The following ENTREP2 variants were observed in gnomAD, a reference collection of about 807,000 sequenced individuals.
The protein encoded by ENTREP2 is endosomal transmembrane epsin interactor 2, also known as protein ENTREP2.
the ENTREP2 span, among the ~76,000 whole-genome samples, chr15:29,492,454 C>A: frequency 6.6e-6 from 1 of 152,118 alleles, no homozygotes; most frequent in Admixed American, 6.5e-5. Flanking sequence ...ATAATTATCA[C>A]CATTGTAAAA....
chr15:29,268,830 C>T, the ENTREP2 span: 13 of 1,613,972 alleles, frequency 8.1e-6, no homozygotes, highest in Admixed American at 3.3e-5. Context: ...GAGGTCTGGC[C>T]CTGTTCTCCT....
chr15:29,557,015 T>A, the ENTREP2 span, among the ~76,000 whole-genome samples: 1 of 152,206 alleles, frequency 6.6e-6, no homozygotes, highest in Non-Finnish European at 1.5e-5. Flanking sequence ...AGTTTGTCTA[T>A]GAGCAAATAA....
chr15:29,570,676 G>C, the ENTREP2 span: 1 of 1,189,314 alleles, frequency 8.4e-7, no homozygotes, highest in Non-Finnish European at 1.0e-6. Flanking sequence ...ACAGGCTGCG[G>C]GGCAGCGCGG....
the ENTREP2 span, among the ~76,000 whole-genome samples, chr15:29,636,576 A>G: frequency 0.13 from 19,476 of 152,198 alleles, 2,369 homozygotes; most frequent in African/African-American, 0.32. Context: ...CCAGTAGTCC[A>G]TCACCACATC....
At chr15:29,304,306 C>T in the ENTREP2 span, among the ~76,000 whole-genome samples, 71 of 152,256 alleles carry the variant, frequency 4.7e-4, no homozygotes, top group African/African-American at 1.6e-3. Context: ...CAGACATCTA[C>T]AGAACTCTCC....
At chr15:29,397,216 C>T in the ENTREP2 span, among the ~76,000 whole-genome samples, 10 of 152,042 alleles carry the variant, frequency 6.6e-5, no homozygotes, top group South Asian at 1.9e-3. Flanking sequence ...CATGGTGAAA[C>T]CTGTCTCCAC....
At chr15:29,426,407 GA>G in the ENTREP2 span, among the ~76,000 whole-genome samples, 12 of 152,148 alleles carry the variant, frequency 7.9e-5, no homozygotes, top group African/African-American at 2.9e-4. Context: ...GCTTATCTTT[GA>G]TTTTTTTTGA....
At chr15:29,289,206 C>CAA in the ENTREP2 span, among the ~76,000 whole-genome samples, 2 of 78,000 alleles carry the variant, frequency 2.6e-5, no homozygotes, top group East Asian at 3.7e-4. Context: ...GACCCTGTCT[C>CAA]AAAAAAAAAA....
At chr15:29,496,628 ATTG>A in the ENTREP2 span, among the ~76,000 whole-genome samples, 1 of 152,102 alleles carries the variant, frequency 6.6e-6, no homozygotes, top group Non-Finnish European at 1.5e-5. Context: ...GTCATAAAAG[ATTG>A]TTGAATTTTG....
the ENTREP2 span, among the ~76,000 whole-genome samples, chr15:29,299,319 G>C: frequency 6.6e-6 from 1 of 152,186 alleles, no homozygotes; most frequent in Non-Finnish European, 1.5e-5. Context: ...AGGCACAGTG[G>C]AGATGGCTTG....
the ENTREP2 span, among the ~76,000 whole-genome samples, chr15:29,464,266 A>G: frequency 9.3e-6 from 1 of 107,794 alleles, no homozygotes; most frequent in Non-Finnish European, 1.8e-5. Flanking sequence ...TTGCACAGAA[A>G]AGAATAAAGA....
At chr15:29,250,146 G>A in the ENTREP2 span, among the ~76,000 whole-genome samples, 3 of 152,156 alleles carry the variant, frequency 2.0e-5, no homozygotes, top group African/African-American at 2.4e-5. Flanking sequence ...AAGCAAGGCC[G>A]AGAAACAGTG....
the ENTREP2 span, among the ~76,000 whole-genome samples, chr15:29,554,867 G>A: frequency 6.6e-6 from 1 of 152,278 alleles, no homozygotes; most frequent in Middle Eastern, 3.4e-3. Flanking sequence ...CTCTTGGCTA[G>A]GAAATTACCC....
chr15:29,467,686 G>A, the ENTREP2 span, among the ~76,000 whole-genome samples: 1 of 152,160 alleles, frequency 6.6e-6, no homozygotes, highest in Non-Finnish European at 1.5e-5. Flanking sequence ...ACTCCTTAGA[G>A]GAACACACGT....
the ENTREP2 span, among the ~76,000 whole-genome samples, chr15:29,287,383 C>CCA: frequency 8.8e-6 from 1 of 113,114 alleles, no homozygotes; most frequent in Non-Finnish European, 1.7e-5. Flanking sequence ...GCAAGACCAG[C>CCA]AAAAAAAAAA....
the ENTREP2 span, among the ~76,000 whole-genome samples, chr15:29,595,067 C>CAAAAAAAAAAAAAAA: frequency 2.3e-5 from 2 of 86,614 alleles, no homozygotes; most frequent in East Asian, 5.1e-4. Flanking sequence ...GACTCCGTCT[C>CAAAAAAAAAAAAAAA]AAAAAAAAAA....
At chr15:29,223,278 G>A in the ENTREP2 span, among the ~76,000 whole-genome samples, 1 of 152,318 alleles carries the variant, frequency 6.6e-6, no homozygotes, top group African/African-American at 2.4e-5. Flanking sequence ...ACTAGGCCGT[G>A]GGTGGCAGCC....
the ENTREP2 span, among the ~76,000 whole-genome samples, chr15:29,223,014 C>T: frequency 2.8e-3 from 432 of 152,330 alleles, 3 homozygotes; most frequent in African/African-American, 9.4e-3. Flanking sequence ...ATGAATACAG[C>T]ACTGGACACC....
At chr15:29,604,341 C>T in the ENTREP2 span, among the ~76,000 whole-genome samples, 9 of 152,110 alleles carry the variant, frequency 5.9e-5, no homozygotes, top group Admixed American at 1.3e-4. Context: ...GTACAATCTT[C>T]GGTGATGGTA....
Sources: allele counts gnomAD v4.1 joint callset (sites outside exome capture counted in the v4.1 genomes callset), GRCh38; gene constraint gnomAD v4.1.1; transcripts MANE v1.5; gene names NCBI Gene and HGNC (gene_info 2026-07-23, HGNC 2026-07-21).